ASAP1: variants seen among roughly 807,000 people sequenced by gnomAD.
ASAP1 encodes the protein arf-GAP with SH3 domain, ANK repeat and PH domain-containing protein 1.
In ASAP1, 43 loss-of-function variants were observed where a neutral mutation model predicts 145.2. That is an observed-to-expected ratio of 0.30 (90% CI 0.23 to 0.38). The LOEUF (loss-of-function observed/expected upper bound fraction) is 0.38. Ranked by LOEUF, ASAP1 falls within the 10% of genes least tolerant of loss-of-function variation. The pLI is 1.00. For synonymous variants in ASAP1, 546 were observed against 515.5 expected (o/e 1.06, Z -0.80); for missense variants, 1,018 against 1,355.3 (o/e 0.75, Z 3.91).
intron 13 of ASAP1, among the ~76,000 whole-genome samples, chr8:130,138,493 A>G (rs2097600718): frequency 6.6e-6 from 1 of 152,184 alleles, no homozygotes; most frequent in Non-Finnish European, 1.5e-5. Flanking sequence ...ACTTGTCACC[A>G]AACCTAGAAG....
chr8:130,199,312 G>T (rs2136302533), intron 5 of ASAP1, among the ~76,000 whole-genome samples: 2 of 152,316 alleles, frequency 1.3e-5, no homozygotes, highest in East Asian at 3.9e-4. Flanking sequence ...TACTGATTAA[G>T]TAAATGGATG....
chr8:130,117,660 C>A (rs990077874), intron 20 of ASAP1, among the ~76,000 whole-genome samples: 1 of 152,170 alleles, frequency 6.6e-6, no homozygotes, highest in Non-Finnish European at 1.5e-5. Context: ...CTTGAATGAG[C>A]TATTGATCCA....
chr8:130,229,663 A>C (rs925304710), intron 4 of ASAP1, among the ~76,000 whole-genome samples: 5 of 152,224 alleles, frequency 3.3e-5, no homozygotes, highest in Non-Finnish European at 4.4e-5. Flanking sequence ...ATTTTTACCA[A>C]AATAAATCAT....
intron 3 of ASAP1, among the ~76,000 whole-genome samples, chr8:130,309,277 C>G (rs1823182929): frequency 1.3e-5 from 2 of 152,104 alleles, no homozygotes; most frequent in African/African-American, 4.8e-5. Context: ...TTAATTTCAA[C>G]AGAATGAATA....
chr8:130,253,562 C>T (rs758039721), intron 3 of ASAP1, among the ~76,000 whole-genome samples: 2 of 152,132 alleles, frequency 1.3e-5, no homozygotes, highest in Non-Finnish European at 2.9e-5. Context: ...TTAGTGATCT[C>T]CTAGAAGACA....
rs141325303 is a variant in ASAP1 at position 130,374,485 on chromosome 8, G to T, written c.60-16342C>A. 4.5e-3 allele frequency among the ~76,000 whole-genome samples: 687 copies of T among 152,300 alleles called. 5 individuals are homozygous for T. Among genetic ancestry groups the T allele is most frequent in the African/African-American group, 0.016 (659 of 41,550 alleles). ...AAAAGTTCAAGACTAGGCCGGGCGC[G>T]GTGGCGCACGCCTGTAATCCCAGCA... is the stretch of plus-strand genomic sequence containing the variant. On this transcript the variant is annotated intron_variant, in intron 2 of 29. Coordinates refer to ENST00000518721, the MANE Select transcript of ASAP1 (RefSeq NM_018482.4).
intron 3 of ASAP1, among the ~76,000 whole-genome samples, chr8:130,300,184 A>AGAGAGAGAGCGC (rs761456724): frequency 5.7e-5 from 8 of 140,284 alleles, no homozygotes; most frequent in African/African-American, 2.2e-4. Flanking sequence ...AGAGAGAGAG[A>AGAGAGAGAGCGC]GAGCGAGCGA....
chr8:130,267,240 T>C (rs1451546755), intron 3 of ASAP1, among the ~76,000 whole-genome samples: 1 of 152,024 alleles, frequency 6.6e-6, no homozygotes, highest in Non-Finnish European at 1.5e-5. Flanking sequence ...AAGCCTACAG[T>C]TAACCCTAGC....
chr8:130,118,676 C>T lies in ASAP1; in HGVS notation c.1608-1G>A. The T allele has an allele frequency of 6.7e-7, 1 of 1,483,370 alleles. No homozygotes were observed. Among genetic ancestry groups the T allele is most frequent in the South Asian group, 1.5e-5 (1 of 68,678 alleles). The allele number at this position is 1,483,370 out of a possible 1,614,324, so 91.9% of individuals were successfully genotyped here. A position where few individuals can be genotyped will look rare whatever the true frequency, so the allele number is the denominator to read the frequency against. ...AGTGATATATTCTTTTCGTACAGTCCTAAAACAGAACAAAATAAAGAATTT... is the reference window on the plus strand; with the variant it reads ...AGTGATATATTCTTTTCGTACAGTCTTAAAACAGAACAAAATAAAGAATTT... On this transcript the variant is annotated splice_acceptor_variant, in intron 18 of 29. Coordinates refer to ENST00000518721, the MANE Select transcript of ASAP1 (RefSeq NM_018482.4). LOFTEE classifies it high-confidence loss of function.
intron 1 of ASAP1, among the ~76,000 whole-genome samples, chr8:130,435,853 A>T (rs1830293488): frequency 6.6e-6 from 1 of 152,194 alleles, no homozygotes; most frequent in Non-Finnish European, 1.5e-5. Flanking sequence ...TGTGGAATCC[A>T]CCATACACCA....
chr8:130,262,411 AAAAAAAGAGAGAGAGAGAG>A (rs1819966603), intron 3 of ASAP1, among the ~76,000 whole-genome samples: 1 of 106,644 alleles, frequency 9.4e-6, no homozygotes, highest in Non-Finnish European at 1.8e-5. Flanking sequence ...AAAAAAAAAA[AAAAAAAGAGAGAGAGAGAG>A]AGAGAGAGAG....
chr8:130,219,805 T>C (rs1350897941), intron 4 of ASAP1, among the ~76,000 whole-genome samples: 3 of 152,224 alleles, frequency 2.0e-5, no homozygotes, highest in Admixed American at 6.5e-5. Context: ...GTTGCTGATG[T>C]TGAGACAAGG....
intron 9 of ASAP1, among the ~76,000 whole-genome samples, chr8:130,171,746 G>A (rs1813608984): frequency 6.6e-6 from 1 of 152,178 alleles, no homozygotes; most frequent in Admixed American, 6.5e-5. Context: ...TTGAGCATGT[G>A]GGCCCAGGCC....
intron 27 of ASAP1, among the ~76,000 whole-genome samples, chr8:130,072,831 G>GCGCGCA (rs58907739): frequency 9.0e-6 from 1 of 110,706 alleles, no homozygotes; most frequent in East Asian, 2.2e-4. Flanking sequence ...GTGTGCGCGC[G>GCGCGCA]GGGGGGGGCA....
At chr8:130,073,686 G>A (rs575130586) in intron 27 of ASAP1, among the ~76,000 whole-genome samples, 1 of 152,222 alleles carries the variant, frequency 6.6e-6, no homozygotes, top group East Asian at 1.9e-4. Flanking sequence ...AAGGAAGACA[G>A]GGCTGAAGCT....
intron 4 of ASAP1, among the ~76,000 whole-genome samples, chr8:130,218,430 C>A (rs532329359): frequency 4.6e-5 from 7 of 152,260 alleles, no homozygotes; most frequent in Middle Eastern, 3.4e-3. Flanking sequence ...TTCCCTATTC[C>A]CCTACTCCTG....
intron 7 of ASAP1, among the ~76,000 whole-genome samples, chr8:130,182,831 C>CAAAA (rs35195899): frequency 6.7e-4 from 49 of 73,566 alleles, no homozygotes; most frequent in African/African-American, 1.2e-3. Flanking sequence ...TATAAAAAGG[C>CAAAA]AAAAAAAAAA....
intron 3 of ASAP1, among the ~76,000 whole-genome samples, chr8:130,250,558 A>G (rs1437362436): frequency 6.6e-6 from 1 of 152,164 alleles, no homozygotes; most frequent in Non-Finnish European, 1.5e-5. Flanking sequence ...ATGAGTTTAG[A>G]CCCAATTGTT....
At chr8:130,276,728 A>ACACACACTCTCTCTCTCTCTCTCTCT (rs548512902) in intron 3 of ASAP1, among the ~76,000 whole-genome samples, 9 of 87,312 alleles carry the variant, frequency 1.0e-4, no homozygotes, top group South Asian at 5.9e-4. Flanking sequence ...ACACACACAC[A>ACACACACTCTCTCTCTCTCTCTCTCT]CTCTCTCTCT....
Sources: allele counts gnomAD v4.1 joint callset (sites outside exome capture counted in the v4.1 genomes callset), GRCh38; gene constraint gnomAD v4.1.1; transcripts MANE v1.5; gene names NCBI Gene and HGNC (gene_info 2026-07-23, HGNC 2026-07-21).